ERBB4: variants seen among roughly 807,000 people sequenced by gnomAD.
ERBB4 encodes the protein receptor tyrosine-protein kinase erbB-4.
Under a neutral mutation model 158.0 loss-of-function variants are expected in ERBB4, and 42 were observed. That is an observed-to-expected ratio of 0.27 (90% CI 0.21 to 0.34). The LOEUF (loss-of-function observed/expected upper bound fraction) is 0.34, where lower values mean the gene tolerates loss of function less well. Among genes scored for constraint, ERBB4 ranks in the 10% least tolerant of loss-of-function variants. The pLI, the probability that ERBB4 is intolerant of heterozygous loss-of-function variation, is 1.00. For synonymous variants in ERBB4, 583 were observed against 558.7 expected, an observed-to-expected ratio of 1.04 and a Z score of -0.61; for missense variants, 1,333 against 1,624.1, an observed-to-expected ratio of 0.82 and a Z score of 3.08.
At chr2:211,848,726 T>C (rs371951935) in intron 3 of ERBB4, among the ~76,000 whole-genome samples, 24 of 152,184 alleles carry the variant, frequency 1.6e-4, no homozygotes, top group African/African-American at 5.3e-4. Flanking sequence ...ATTAGGCACC[T>C]GGAAGTCACC....
rs550890573 is a variant in ERBB4, at chr2:211,489,101, C to T, written c.2488-58001G>A. ...ATTCAGGAAGGAAATAAGTTGAATT[C>T]CAAGAATCAACAAGATATTTTGTCA... On this transcript the variant is annotated intron_variant, in intron 20 of 27. Coordinates refer to ENST00000342788, the MANE Select transcript of ERBB4 (RefSeq NM_005235.3). Among the ~76,000 whole-genome samples the T allele has an allele frequency of 3.3e-5, 5 of 152,100 alleles. No homozygotes were observed. The South Asian group carries it at 1.0e-3, about 32-fold the overall frequency.
intron 20 of ERBB4, among the ~76,000 whole-genome samples, chr2:211,465,122 C>T (rs2064645744): frequency 6.6e-6 from 1 of 152,016 alleles, no homozygotes; most frequent in Non-Finnish European, 1.5e-5. Context: ...GCTGGGATTA[C>T]AGGCATGAGC....
chr2:211,962,681 C>T (rs538516218), intron 2 of ERBB4, among the ~76,000 whole-genome samples: 14 of 152,062 alleles, frequency 9.2e-5, no homozygotes, highest in African/African-American at 7.2e-5. Context: ...GCAAGAGATG[C>T]GGAAGGCAGT....
chr2:212,519,674 A>G (rs1277056214), intron 1 of ERBB4, among the ~76,000 whole-genome samples: 1 of 151,912 alleles, frequency 6.6e-6, no homozygotes, highest in South Asian at 2.1e-4. Flanking sequence ...CGTTAAGAGA[A>G]ATAACTTAGG....
chr2:211,599,633 A>G (rs2068741271), intron 19 of ERBB4, among the ~76,000 whole-genome samples: 1 of 151,678 alleles, frequency 6.6e-6, no homozygotes, highest in South Asian at 2.1e-4. Flanking sequence ...GGTAATCTTT[A>G]TACCTCTATA....
intron 12 of ERBB4, among the ~76,000 whole-genome samples, chr2:211,680,757 A>G (rs1445764577): frequency 6.6e-6 from 1 of 152,242 alleles, no homozygotes; most frequent in African/African-American, 2.4e-5. Context: ...TTTTTAAAGC[A>G]GACTTAGATC....
At chr2:212,404,992 T>A (rs1574857332) in intron 1 of ERBB4, among the ~76,000 whole-genome samples, 1 of 152,240 alleles carries the variant, frequency 6.6e-6, no homozygotes, top group East Asian at 1.9e-4. Flanking sequence ...TCATTCTTTT[T>A]TATGGCTGCA....
At chr2:212,403,304 T>C (rs984213005) in intron 1 of ERBB4, among the ~76,000 whole-genome samples, 5 of 152,044 alleles carry the variant, frequency 3.3e-5, no homozygotes, top group African/African-American at 1.2e-4. Context: ...GATTTCTCGA[T>C]TTAAAAGCAA....
intron 20 of ERBB4, among the ~76,000 whole-genome samples, chr2:211,476,777 T>C (rs1027038566): frequency 2.6e-5 from 4 of 152,132 alleles, no homozygotes; most frequent in Non-Finnish European, 5.9e-5. Context: ...ATTGTGCCTC[T>C]AGATCCAACT....
chr2:211,558,726 C>T (rs1369772545), intron 20 of ERBB4, among the ~76,000 whole-genome samples: 1 of 151,672 alleles, frequency 6.6e-6, no homozygotes, highest in Non-Finnish European at 1.5e-5. Flanking sequence ...TGTTTCTAAC[C>T]CTAAGTCTGT....
At chr2:211,424,358 C>T in intron 22 of ERBB4, 57 bp from the exon 23 acceptor site, 1 of 1,231,840 alleles carries the variant, frequency 8.1e-7, no homozygotes, top group Admixed American at 1.8e-5. Context: ...TTGAACAAAC[C>T]AGCACTATAC....
rs143896391 is a variant in ERBB4, at chr2:211,648,227, T to C, written c.1946+9527A>G. ...TTCTTTTGAGTCTTCTCCATCTCAGTTTATGACATCATTCTTAGCCAGTTA... is the reference window on the plus strand; with the variant it reads ...TTCTTTTGAGTCTTCTCCATCTCAGCTTATGACATCATTCTTAGCCAGTTA... On this transcript the variant is annotated intron_variant, in intron 16 of 27. Coordinates refer to ENST00000342788, the MANE Select transcript of ERBB4 (RefSeq NM_005235.3). Among the ~76,000 whole-genome samples, 1,222 of 151,884 alleles carry C rather than the reference T, an allele frequency of 8.0e-3. 18 individuals are homozygous for C. Among genetic ancestry groups the C allele is most frequent in the African/African-American group, 0.028 (1,173 of 41,524 alleles).
rs572782651 is a variant in ERBB4, at chr2:211,810,798, G to A, written c.422-22639C>T. Among the ~76,000 whole-genome samples the A allele has an allele frequency of 6.7e-3, 1,001 of 150,054 alleles. 9 individuals are homozygous for A. The highest frequency in any genetic ancestry group is 0.023 in the African/African-American group (944 of 40,892). Reference sequence around the variant, plus strand: ...CGCCATTCTCCTGCCTCAGTCTCCCGAGTAGCTGGGACTACAGGCGCCCGC... The same window carrying A: ...CGCCATTCTCCTGCCTCAGTCTCCCAAGTAGCTGGGACTACAGGCGCCCGC... On this transcript the variant is annotated intron_variant, in intron 3 of 27. Coordinates refer to ENST00000342788, the MANE Select transcript of ERBB4 (RefSeq NM_005235.3).
chr2:212,507,727 T>C (rs1419633676), intron 1 of ERBB4, among the ~76,000 whole-genome samples: 2 of 152,190 alleles, frequency 1.3e-5, no homozygotes, highest in South Asian at 2.1e-4. Flanking sequence ...TTGCTTCTTA[T>C]GGATGAACAA....
At position 211,438,697 on chromosome 2, in the gene ERBB4, C is replaced by A. The variant is rs114671011; in HGVS notation, c.2488-7597G>T. Reference sequence around the variant, plus strand: ...TCAGCACTGTTAGGTGCAATAGCTTCTCATTCTGCTTGTTCCTGAATGTTC... The same window carrying A: ...TCAGCACTGTTAGGTGCAATAGCTTATCATTCTGCTTGTTCCTGAATGTTC... On this transcript the variant is annotated intron_variant, in intron 20 of 27. Coordinates refer to ENST00000342788, the MANE Select transcript of ERBB4 (RefSeq NM_005235.3). Among the ~76,000 whole-genome samples the A allele has an allele frequency of 1.9e-3, 286 of 152,186 alleles. 3 individuals carry two copies. Among genetic ancestry groups the A allele is most frequent in the African/African-American group, 6.5e-3 (271 of 41,536 alleles).
At chr2:212,317,242 T>C (rs2087330951) in intron 1 of ERBB4, among the ~76,000 whole-genome samples, 2 of 151,526 alleles carry the variant, frequency 1.3e-5, no homozygotes. Flanking sequence ...CCCTGGAAAT[T>C]CCTTGATCTT....
At chr2:212,059,068 A>C (rs909946192) in intron 2 of ERBB4, among the ~76,000 whole-genome samples, 3 of 152,238 alleles carry the variant, frequency 2.0e-5, no homozygotes, top group Non-Finnish European at 4.4e-5. Context: ...AAATCTCCTT[A>C]AGCTGATAAG....
At chr2:212,045,397 G>A (rs551194353) in intron 2 of ERBB4, among the ~76,000 whole-genome samples, 5 of 152,336 alleles carry the variant, frequency 3.3e-5, no homozygotes, top group African/African-American at 1.2e-4. Context: ...GACAGAGGTT[G>A]CAGTGAGCCA....
chr2:211,422,116 C>T lies in ERBB4; in HGVS notation c.2867-12G>A, dbSNP rs940760121. 4 of 1,547,790 alleles carry T rather than the reference C, an allele frequency of 2.6e-6. No homozygotes were observed. The highest frequency in any genetic ancestry group is 3.6e-6 in the Non-Finnish European group (4 of 1,119,952). On this transcript the variant is annotated splice_polypyrimidine_tract_variant and intron_variant, in intron 23 of 27. Transcript: ENST00000342788. ...ATCAATCATCCAACCTGGAAATTTA[C>T]ACAGTGAAAATGTCACTATATTCGT... is the stretch of plus-strand genomic sequence containing the variant.
Sources: gnomAD v4.1 joint callset for allele counts (sites outside exome capture counted in the v4.1 genomes callset) on GRCh38, gnomAD v4.1.1 for gene constraint, MANE v1.5 for transcripts, NCBI Gene and HGNC (gene_info 2026-07-23, HGNC 2026-07-21) for gene names.